CHRNA7: variants seen among roughly 807,000 people sequenced by gnomAD.
CHRNA7 encodes the protein cholinergic receptor nicotinic alpha 7 subunit, also known as neuronal acetylcholine receptor subunit alpha-7.
A neutral mutation model predicts 48.0 loss-of-function variants in CHRNA7; 17 were observed. The observed-to-expected ratio is 0.35, with a 90% CI of 0.24 to 0.53. The LOEUF (loss-of-function observed/expected upper bound fraction) is 0.53. CHRNA7 is among the 20% of genes least tolerant of loss of function. The probability of loss-of-function intolerance (pLI) is 0.92; values close to 1 mark genes in which losing one functional copy is unlikely to be tolerated. For missense variants in CHRNA7, 155 were observed against 577.7 expected, an observed-to-expected ratio of 0.27 and a Z score of 7.50; for synonymous variants, 75 against 242.3, an observed-to-expected ratio of 0.31 and a Z score of 6.41.
chr15:32,150,773 A>G (rs1455984541), intron 4 of CHRNA7, among the ~76,000 whole-genome samples: 1 of 152,190 alleles, frequency 6.6e-6, no homozygotes, highest in East Asian at 1.9e-4. Context: ...CTTGAAGATC[A>G]TGATACTATC....
At chr15:32,138,922 T>C (rs2051325616) in intron 4 of CHRNA7, among the ~76,000 whole-genome samples, 1 of 151,946 alleles carries the variant, frequency 6.6e-6, no homozygotes, top group East Asian at 1.9e-4. Flanking sequence ...CCTGGCTAAT[T>C]TTTGTATTTT....
chr15:32,042,255 C>T (rs1244084988), intron 2 of CHRNA7, among the ~76,000 whole-genome samples: 1 of 152,110 alleles, frequency 6.6e-6, no homozygotes, highest in Non-Finnish European at 1.5e-5. Flanking sequence ...TTTGTTTCTC[C>T]CCACTTGAGT....
At chr15:32,057,933 T>C (rs1217586999) in intron 2 of CHRNA7, among the ~76,000 whole-genome samples, 1 of 152,204 alleles carries the variant, frequency 6.6e-6, no homozygotes, top group Non-Finnish European at 1.5e-5. Flanking sequence ...CAGCCTGTAA[T>C]GTTTCAAGCA....
At chr15:32,075,686 A>G (rs548756798) in intron 2 of CHRNA7, among the ~76,000 whole-genome samples, 2 of 151,940 alleles carry the variant, frequency 1.3e-5, no homozygotes, top group South Asian at 2.1e-4. Context: ...CTTGCTTTCA[A>G]TATCATTGAT....
intron 4 of CHRNA7, among the ~76,000 whole-genome samples, chr15:32,124,746 G>T (rs2051035327): frequency 6.6e-6 from 1 of 152,150 alleles, no homozygotes; most frequent in Non-Finnish European, 1.5e-5. Flanking sequence ...AACCCCCAAG[G>T]TGATGGAATT....
At chr15:32,104,190 C>T (rs74011115) in intron 3 of CHRNA7, among the ~76,000 whole-genome samples, 1 of 150,918 alleles carries the variant, frequency 6.6e-6, no homozygotes, top group African/African-American at 2.4e-5. Flanking sequence ...CTCCTTTTTC[C>T]TCTCCCCTCC....
chr15:32,092,711 AAAAAC>A (rs2141248140), intron 2 of CHRNA7, among the ~76,000 whole-genome samples: 1 of 152,324 alleles, frequency 6.6e-6, no homozygotes, highest in African/African-American at 2.4e-5. Context: ...ATCAAATAAC[AAAAAC>A]AAAACCAAGA....
intron 4 of CHRNA7, among the ~76,000 whole-genome samples, chr15:32,139,580 A>C (rs1184707672): frequency 9.4e-6 from 1 of 106,716 alleles, no homozygotes. Flanking sequence ...GTGGTGTCTC[A>C]GTTTTTTTTT....
intron 4 of CHRNA7, among the ~76,000 whole-genome samples, chr15:32,133,899 T>G (rs907331137): frequency 2.0e-5 from 3 of 152,070 alleles, no homozygotes; most frequent in African/African-American, 7.2e-5. Context: ...GCAACACAGG[T>G]TGGGGATTCA....
At chr15:32,114,037 T>TATGTATATATATATATATAC (rs2050812995) in intron 4 of CHRNA7, among the ~76,000 whole-genome samples, 2 of 69,708 alleles carry the variant, frequency 2.9e-5, no homozygotes, top group Non-Finnish European at 5.5e-5. Context: ...TATATATATA[T>TATGTATATATATATATATAC]ATATATGTAT....
intron 3 of CHRNA7, among the ~76,000 whole-genome samples, chr15:32,104,223 T>C (rs1421813745): frequency 6.6e-6 from 1 of 152,060 alleles, no homozygotes; most frequent in Admixed American, 6.5e-5. Flanking sequence ...GTTTCCTGGC[T>C]GCACTCACTG....
chr15:32,076,398 G>T (rs181426690), intron 2 of CHRNA7, among the ~76,000 whole-genome samples: 1 of 152,092 alleles, frequency 6.6e-6, no homozygotes, highest in Non-Finnish European at 1.5e-5. Flanking sequence ...CCTGTTTATC[G>T]TCAGATATTG....
chr15:32,095,559 C>G (rs542624937), intron 2 of CHRNA7, among the ~76,000 whole-genome samples: 39 of 152,234 alleles, frequency 2.6e-4, no homozygotes, highest in African/African-American at 8.9e-4. Flanking sequence ...TCCTTAATGC[C>G]TCATGTAATA....
chr15:32,064,907 T>C (rs2049940761), intron 2 of CHRNA7, among the ~76,000 whole-genome samples: 1 of 152,222 alleles, frequency 6.6e-6, no homozygotes, highest in African/African-American at 2.4e-5. Flanking sequence ...TTGTGCATTG[T>C]GGTTCTTAAA....
At chr15:32,037,377 T>C (rs140715524) in intron 2 of CHRNA7, among the ~76,000 whole-genome samples, 18 of 152,346 alleles carry the variant, frequency 1.2e-4, no homozygotes, top group African/African-American at 4.3e-4. Context: ...CCTCCAACTT[T>C]GTCGTTCCTC....
chr15:32,040,162 T>C (rs1286004318), intron 2 of CHRNA7, among the ~76,000 whole-genome samples: 1 of 152,152 alleles, frequency 6.6e-6, no homozygotes, highest in African/African-American at 2.4e-5. Flanking sequence ...GTGGGTTTTT[T>C]GTAGGCACAT....
chr15:32,117,909 G>A (rs1477504468), intron 4 of CHRNA7, among the ~76,000 whole-genome samples: 1 of 152,138 alleles, frequency 6.6e-6, no homozygotes, highest in Non-Finnish European at 1.5e-5. Context: ...TCACTGGAAG[G>A]TGATGTGGTT....
rs574425481 is a variant in CHRNA7 at position 32,033,733 on chromosome 15, C to G, written c.195+2696C>G. ...GACACAATGGTTCTCATAAAGGCTT[C>G]GTGTGGCAAAATCTTGGCTGGTATA... On this transcript the variant is annotated intron_variant, in intron 2 of 9. Transcript: ENST00000306901. 5.9e-5 allele frequency among the ~76,000 whole-genome samples: 9 copies of G among 152,296 alleles called. No individual in the cohort carries two copies. The East Asian group carries it at 1.7e-3, about 29-fold the overall frequency.
chr15:32,113,103 A>G (rs979470030), intron 4 of CHRNA7, among the ~76,000 whole-genome samples: 4 of 152,110 alleles, frequency 2.6e-5, no homozygotes, highest in Non-Finnish European at 4.4e-5. Flanking sequence ...ACAAAGTGCT[A>G]CAGACTCAGA....
Sources: gnomAD v4.1 joint callset for allele counts (sites outside exome capture counted in the v4.1 genomes callset) on GRCh38, gnomAD v4.1.1 for gene constraint, MANE v1.5 for transcripts, NCBI Gene and HGNC (gene_info 2026-07-23, HGNC 2026-07-21) for gene names.